Variants in IDH3G observed in about 807,000 individuals in gnomAD.
IDH3G encodes the protein isocitrate dehydrogenase [NAD] subunit gamma, mitochondrial.
Under a neutral mutation model 26.9 loss-of-function variants are expected in IDH3G, and 9 were observed. The observed-to-expected ratio is 0.34, with a 90% CI of 0.20 to 0.58. The LOEUF (loss-of-function observed/expected upper bound fraction) is 0.58. Ranked by LOEUF, IDH3G falls within the 20% of genes least tolerant of loss-of-function variation. IDH3G has a pLI of 0.85. For synonymous variants in IDH3G, 181 were observed against 160.0 expected (o/e 1.13, Z -0.99); for missense variants, 250 against 372.8 (o/e 0.67, Z 2.71).
At chrX:153,789,050 A>G (rs1023620284) in intron 5 of IDH3G, 14 of 331,970 alleles carry the variant, frequency 4.2e-5, no homozygotes, top group Non-Finnish European at 7.9e-5. Flanking sequence ...GGAGGGAAGG[A>G]GGGGTGGGAG....
At position 153,790,333 on chromosome X, in the gene IDH3G, C is replaced by T. The variant is rs375117560; in HGVS notation, c.136-41G>A. 4.6e-6 allele frequency: 5 copies of T among 1,080,574 alleles called. No homozygotes were observed. In the African/African-American group the frequency reaches 9.1e-5, roughly 20 times the overall value. 89.1% of individuals were successfully genotyped at this position (1,080,574 alleles called of 1,213,427 possible). A position where few individuals can be genotyped will look rare whatever the true frequency, so the allele number is the denominator to read the frequency against. On this transcript the variant is annotated intron_variant, in intron 3 of 12. Coordinates refer to ENST00000217901, the MANE Select transcript of IDH3G (RefSeq NM_004135.4). ...GGTGAAGGTGGGCCTTCGGGGATCCCACATGCCCCCAGCTCGGCCCCCATG... is the reference window on the plus strand; with the variant it reads ...GGTGAAGGTGGGCCTTCGGGGATCCTACATGCCCCCAGCTCGGCCCCCATG...
In IDH3G at chrX:153,794,335, G is replaced by T; in HGVS notation, c.-9C>A. ...GCTACCTTCAGCGCCATGACGGAAA[G>T]TGAGAGCCTCCGCACGTCCCGACAC... On this transcript the variant is annotated 5_prime_UTR_variant, in exon 1 of 13. Coordinates refer to ENST00000217901, the MANE Select transcript of IDH3G (RefSeq NM_004135.4). 8.4e-7 allele frequency: 1 copy of T among 1,193,657 alleles called. No individual in the cohort carries two copies.
intron 10 of IDH3G, 61 bp from the exon 11 acceptor site, chrX:153,786,510 G>T: frequency 2.2e-6 from 2 of 922,074 alleles, no homozygotes; most frequent in Non-Finnish European, 3.0e-6. Flanking sequence ...CAGTGACTCT[G>T]CTCCTGTGAC....
At chrX:153,788,679 G>A (rs1031027467) in intron 5 of IDH3G, among the ~76,000 whole-genome samples, 39 of 113,043 alleles carry the variant, frequency 3.5e-4, no homozygotes, top group Admixed American at 1.8e-3. Flanking sequence ...AGCAGAGGCC[G>A]CCTGCTGGTG....
intron 9 of IDH3G, 48 bp from the exon 10 acceptor site, chrX:153,786,995 G>A: frequency 5.0e-6 from 6 of 1,200,007 alleles, no homozygotes; most frequent in Non-Finnish European, 6.8e-6. Context: ...CGGAAGCATG[G>A]GTGAGAGAAG....
chrX:153,788,931 C>T (rs2092099042), intron 5 of IDH3G, among the ~76,000 whole-genome samples: 1 of 112,641 alleles, frequency 8.9e-6, no homozygotes, highest in African/African-American at 3.2e-5. Flanking sequence ...TCCAGGCTGG[C>T]TGCAGCCGAG....
intron 2 of IDH3G, 83 bp downstream of exon 2, chrX:153,790,727 G>A: frequency 2.7e-6 from 3 of 1,104,476 alleles, no homozygotes; most frequent in Non-Finnish European, 3.8e-6. Context: ...CGTCTCAGAG[G>A]ACAGGACACA....
In IDH3G at chrX:153,787,617, A is replaced by T; in HGVS notation, c.541-20T>A. On this transcript the variant is annotated intron_variant, in intron 7 of 12. Transcript: ENST00000217901. ...CACACTCTGAGGAGGGCATGGGGAG[A>T]AGAGACCCATGTGCTACTGAAGAGC... The T allele has an allele frequency of 8.3e-7, 1 of 1,206,916 alleles. No homozygotes were observed. The highest frequency in any genetic ancestry group is 1.1e-6 in the Non-Finnish European group (1 of 892,882).
intron 5 of IDH3G, among the ~76,000 whole-genome samples, chrX:153,788,752 G>T (rs2092098416): frequency 8.8e-6 from 1 of 113,011 alleles, no homozygotes; most frequent in South Asian, 3.6e-4. Flanking sequence ...TGGCACAAAG[G>T]CCCCTCTACT....
At chrX:153,790,640 G>C (rs1274082860) in intron 2 of IDH3G, 65 bp from the exon 3 acceptor site, 4 of 1,143,163 alleles carry the variant, frequency 3.5e-6, no homozygotes, top group Non-Finnish European at 4.8e-6. Context: ...GCCGTGACCA[G>C]GAAAGTGGGA....
intron 1 of IDH3G, chrX:153,792,218 T>C (rs1243050321): frequency 9.0e-6 from 1 of 111,395 alleles, no homozygotes; most frequent in Non-Finnish European, 1.9e-5. Flanking sequence ...TGTGGTCCAA[T>C]ACTGTCACCC....
At chrX:153,790,331 C>T in intron 3 of IDH3G, 39 bp from the exon 4 acceptor site, 1 of 1,073,991 alleles carries the variant, frequency 9.3e-7, no homozygotes, top group Non-Finnish European at 1.3e-6. Context: ...CTTCGGGGAT[C>T]CCACATGCCC....
chrX:153,794,147 G>A, intron 1 of IDH3G, 99 bp downstream of exon 1: 3 of 949,604 alleles, frequency 3.2e-6, no homozygotes, highest in East Asian at 3.6e-5. Context: ...GCCCCTGGTG[G>A]GGCCCCTAGC....
At chrX:153,789,085 T>C (rs1557069829) in intron 5 of IDH3G, 1 of 341,831 alleles carries the variant, frequency 2.9e-6, no homozygotes, top group East Asian at 9.7e-5. Flanking sequence ...AGCCCGTCAC[T>C]GGACAGGCTC....
Position 153,786,831 on chromosome X carries a change from G to A in IDH3G, c.894C>T (p.Asn298=). ...VGGPGLVAGA[N]YGHVYAVFET... ...CAAACACCGCGTACACATGGCCATA[G>A]TTGGCCCCAGCCACAAGGCCTGGGC... Residue 298 remains asparagine, a synonymous_variant, in exon 10 of 13, where the codon AAC becomes AAT. Transcript: ENST00000217901. 8.3e-6 allele frequency: 10 copies of A among 1,210,044 alleles called. No individual in the cohort carries two copies. The highest frequency in any genetic ancestry group is 1.1e-5 in the Non-Finnish European group (10 of 894,175).
intron 10 of IDH3G, 137 bp downstream of exon 10, chrX:153,786,664 G>C (rs781798248): frequency 2.7e-6 from 2 of 745,987 alleles, no homozygotes; most frequent in South Asian, 5.2e-5. Flanking sequence ...TGGTGGTGAC[G>C]GCAGTACAAC....
Position 153,787,864 on chromosome X carries a change from G to A in IDH3G, c.499C>T (p.Arg167Trp), listed in dbSNP as rs2092095401. 2.5e-6 allele frequency: 3 copies of A among 1,209,552 alleles called. No homozygotes were observed. The highest frequency in any genetic ancestry group is 3.4e-6 in the Non-Finnish European group (3 of 894,335). Residue 167 changes from arginine to tryptophan, a missense_variant, in exon 7 of 13, where the codon CGG becomes TGG. Arg to Trp is a moderately radical substitution (Grantham distance 101). Transcript: ENST00000217901. ...RHKDIDILIV[R>W]ENTEGEYSSL... ...CTGTACTCGCCCTCTGTGTTCTCCC[G>A]GACAATGAGGATGTCTATGTCCTTG...
At chrX:153,789,689 T>G (rs1557069993) in intron 5 of IDH3G, 23 bp downstream of exon 5, 1 of 980,174 alleles carries the variant, frequency 1.0e-6, no homozygotes, top group Non-Finnish European at 1.4e-6. Flanking sequence ...GGCCCCATCC[T>G]GGCCCCTGGC....
Position 153,787,831 on chromosome X carries a change from C to A in IDH3G, c.532G>T (p.Glu178Ter), listed in dbSNP as rs1557069571. 8.3e-7 allele frequency: 1 copy of A among 1,208,587 alleles called. No individual in the cohort carries two copies. ...GGGCCCCCCATGCACACCTCATGCT[C>A]CAGGCTGCTGTACTCGCCCTCTGTG... ...ENTEGEYSSL[E>*]HESVAGVVES... The change falls in exon 7 of 13, where the codon GAG becomes TAG. Residue 178 changes from glutamate to a stop codon, truncating the protein, a stop_gained. Transcript: ENST00000217901. LOFTEE classifies it high-confidence loss of function.
Sources: allele counts gnomAD v4.1 joint callset (sites outside exome capture counted in the v4.1 genomes callset), GRCh38; gene constraint gnomAD v4.1.1; transcripts MANE v1.5; gene names NCBI Gene and HGNC (gene_info 2026-07-23, HGNC 2026-07-21).